ACP6: variants seen among roughly 807,000 people sequenced by gnomAD.
The protein encoded by ACP6 is acid phosphatase 6, lysophosphatidic, also known as lysophosphatidic acid phosphatase type 6.
ACP6 carries 48 observed loss-of-function variants against 48.1 expected under a neutral mutation model. The observed-to-expected ratio is 1.00, with a 90% CI of 0.79 to 1.27. ACP6 has a LOEUF of 1.27. ACP6 is among the 50% of genes most tolerant of loss of function. The pLI, the probability that ACP6 is intolerant of heterozygous loss-of-function variation, is 0.00. For missense variants in ACP6, 485 were observed against 529.1 expected (o/e 0.92, Z 0.82); for synonymous variants, 172 against 204.2 (o/e 0.84, Z 1.34).
downstream of ACP6, among the ~76,000 whole-genome samples, chr1:147,639,958 GCA>G (rs1169059760): frequency 6.6e-6 from 1 of 152,010 alleles, no homozygotes; most frequent in African/African-American, 2.4e-5. Context: ...TGATTTCAAA[GCA>G]CACATACTTG....
Position 147,670,059 on chromosome 1 carries a change from C to T in ACP6, c.-11G>A, listed in dbSNP as rs781958775. ...CACACCAGTGATCATGGTGGTAGGC[C>T]CTCGCTGCCCTCCGGGTTGAGGCTG... On this transcript the variant is annotated 5_prime_UTR_variant, in exon 1 of 10. Coordinates refer to ENST00000583509, the MANE Select transcript of ACP6 (RefSeq NM_016361.5). The T allele has an allele frequency of 6.7e-7, 1 of 1,490,218 alleles. No individual in the cohort carries two copies. Among genetic ancestry groups the T allele is most frequent in the South Asian group, 1.2e-5 (1 of 81,012 alleles). The allele number at this position is 1,490,218 out of a possible 1,614,324, so 92.3% of individuals were successfully genotyped here. A position where few individuals can be genotyped will look rare whatever the true frequency, so the allele number is the denominator to read the frequency against.
chr1:147,638,145 A>G (rs1408358498), downstream of ACP6, among the ~76,000 whole-genome samples: 3 of 152,238 alleles, frequency 2.0e-5, no homozygotes, highest in African/African-American at 7.2e-5. Context: ...CAGTGAACCA[A>G]CCAGACAAGG....
intron 4 of ACP6, among the ~76,000 whole-genome samples, chr1:147,655,736 C>A (rs1364649422): frequency 4.6e-5 from 7 of 152,194 alleles, no homozygotes; most frequent in Non-Finnish European, 8.8e-5. Flanking sequence ...TCAGAGACCC[C>A]ATAGCCTTGC....
At chr1:147,666,743 T>G (rs1553213707) in intron 1 of ACP6, among the ~76,000 whole-genome samples, 1 of 152,204 alleles carries the variant, frequency 6.6e-6, no homozygotes, top group African/African-American at 2.4e-5. Context: ...TGTGTATTTT[T>G]TAAAGCTTTC....
chr1:147,652,532 G>T lies in ACP6; in HGVS notation c.798C>A (p.Ser266Arg). The change falls in exon 7 of 10, where the codon AGC (serine) becomes AGA (arginine). Residue 266 changes from serine to arginine, a missense_variant. Ser to Arg is a moderately radical substitution (Grantham distance 110). Transcript: ENST00000583509. ...TTGCAAATCTCTTCAGCATGGGGCA[G>T]CTTGGGAGGTTGTGTGCCTGAAAGG... ...VAAEQAHNLP[S>R]CPMLKRFARM... 1 of 1,614,114 alleles carries T rather than the reference G, an allele frequency of 6.2e-7. No homozygotes were observed. Among genetic ancestry groups the T allele is most frequent in the East Asian group, 2.2e-5 (1 of 44,872 alleles).
chr1:147,653,296 AAATTTTGTATTTTTAGT>A (rs1451477368), intron 6 of ACP6, among the ~76,000 whole-genome samples: 3 of 151,768 alleles, frequency 2.0e-5, no homozygotes, highest in African/African-American at 7.3e-5. Flanking sequence ...ACACCCGGCT[AAATTTTGTATTTTTAGT>A]AGAGACAGGA....
Position 147,650,229 on chromosome 1 carries a change from A to G in ACP6, c.891T>C (p.Leu297=). Residue 297 remains leucine (L), a synonymous_variant, in exon 8 of 10, where the codon CTT becomes CTC. Transcript: ENST00000583509. ...GGAGGAATGGGCCTACTGCCATCTG[A>G]AGACTTTCCCTGTGAAAAGTGAACA... ...YILPKEDRES[L]QMAVGPFLHI... is the part of the protein sequence containing the mutation. 1.3e-6 allele frequency: 2 copies of G among 1,599,394 alleles called. No individual in the cohort carries two copies. Among genetic ancestry groups the G allele is most frequent in the Non-Finnish European group, 1.7e-6 (2 of 1,174,470 alleles).
In ACP6 at chr1:147,652,555, AGG is replaced by A. The variant is rs782742095; in HGVS notation, c.781-8_781-7del. On this transcript the variant is annotated splice_polypyrimidine_tract_variant and splice_region_variant and intron_variant, in intron 6 of 9. Coordinates refer to ENST00000583509, the MANE Select transcript of ACP6 (RefSeq NM_016361.5). ...CAGCTTGGGAGGTTGTGTGCCTGAA[AGG>A]GCCACATGTAGTTTTAGAAAAAAAT... 6.2e-7 allele frequency: 1 copy of A among 1,614,000 alleles called. No individual in the cohort carries two copies. The highest frequency in any genetic ancestry group is 2.2e-5 in the East Asian group (1 of 44,860).
At position 147,635,975 on chromosome 1, in the gene ACP6, T is replaced by C. The variant is rs587753619; in HGVS notation, c.461-4910A>G. On this transcript the variant is annotated intron_variant, in intron 5 of 5. Transcript: ENST00000609196. ...CTATGAAAATATAGAGTTGCATAAGTCCTGAGGGGTTGGGGGAGTGGCTTT... is the reference window on the plus strand; with the variant it reads ...CTATGAAAATATAGAGTTGCATAAGCCCTGAGGGGTTGGGGGAGTGGCTTT... 3.9e-5 allele frequency among the ~76,000 whole-genome samples: 6 copies of C among 152,284 alleles called. No individual in the cohort carries two copies. The South Asian group carries it at 1.0e-3, about 26-fold the overall frequency.
Position 147,648,366 on chromosome 1 carries a change from G to A in ACP6, c.1023C>T (p.Leu341=). Residue 341 remains leucine (L), a synonymous_variant, in exon 9 of 10, where the codon CTC becomes CTT. Coordinates refer to ENST00000583509, the MANE Select transcript of ACP6 (RefSeq NM_016361.5). ...YAAHDVTFIP[L]LMTLGIFDHK... ...GGTCAAAAATCCCCAGGGTCATTAA[G>A]AGCGGTATGAAGGTCACATCATGAG... 6.2e-6 allele frequency: 10 copies of A among 1,614,194 alleles called. No homozygotes were observed. Among genetic ancestry groups the A allele is most frequent in the East Asian group, 2.2e-5 (1 of 44,884 alleles).
At chr1:147,634,399 C>T (rs1184184274) in intron 5 of ACP6, among the ~76,000 whole-genome samples, 2 of 150,690 alleles carry the variant, frequency 1.3e-5, no homozygotes, top group Non-Finnish European at 2.9e-5. Context: ...CATGGGGTGC[C>T]TTTTCACTCT....
chr1:147,648,418 G>C lies in ACP6; in HGVS notation c.978-7C>G. 2.5e-6 allele frequency: 4 copies of C among 1,614,048 alleles called. No individual in the cohort carries two copies. The highest frequency in any genetic ancestry group is 3.4e-6 in the Non-Finnish European group (4 of 1,179,942). On this transcript the variant is annotated splice_polypyrimidine_tract_variant and splice_region_variant and intron_variant, in intron 8 of 9. Transcript: ENST00000583509. ...CGCATAGAGATACAGCTTTCTGCAA[G>C]AGGAAACAGCTCTCCACAATTCTCT...
exon 6 of ACP6, chr1:147,629,739 T>C (rs1016878860): frequency 2.0e-5 from 3 of 152,166 alleles, no homozygotes; most frequent in Non-Finnish European, 4.4e-5. Context: ...ACATTTCCTA[T>C]TGGAGGGAGC....
At chr1:147,662,866 A>G (rs965673318) in intron 1 of ACP6, among the ~76,000 whole-genome samples, 2 of 152,220 alleles carry the variant, frequency 1.3e-5, no homozygotes, top group Non-Finnish European at 2.9e-5. Flanking sequence ...GAGTCTATCA[A>G]TGTGGCAAAC....
intron 5 of ACP6, among the ~76,000 whole-genome samples, chr1:147,654,715 TC>T (rs1660147446): frequency 1.3e-5 from 2 of 152,226 alleles, no homozygotes; most frequent in African/African-American, 4.8e-5. Flanking sequence ...AACCGATCTA[TC>T]TTACATAGAA....
At chr1:147,668,195 T>C (rs763550044) in intron 1 of ACP6, among the ~76,000 whole-genome samples, 1 of 152,150 alleles carries the variant, frequency 6.6e-6, no homozygotes, top group Non-Finnish European at 1.5e-5. Context: ...GTCTGGAGAA[T>C]ATGAGCAGAA....
chr1:147,665,861 T>A (rs1439462734), intron 1 of ACP6, among the ~76,000 whole-genome samples: 1 of 152,232 alleles, frequency 6.6e-6, no homozygotes, highest in African/African-American at 2.4e-5. Flanking sequence ...CCACCCCACA[T>A]ACACACTCTC....
chr1:147,641,398 G>A (rs1156760531), downstream of ACP6, among the ~76,000 whole-genome samples: 2 of 152,188 alleles, frequency 1.3e-5, no homozygotes, highest in Non-Finnish European at 1.5e-5. Context: ...GAAGGGTCTT[G>A]TCTAATGACA....
chr1:147,645,144 C>T lies in ACP6; in HGVS notation c.*2279G>A, dbSNP rs1293255517. The T allele has an allele frequency of 6.6e-6, 1 of 151,704 alleles. No homozygotes were observed. Among genetic ancestry groups the T allele is most frequent in the Non-Finnish European group, 1.5e-5 (1 of 67,958 alleles). 9.4% of individuals were successfully genotyped at this position (151,704 alleles called of 1,614,324 possible). ...AGGCACATTGTACTCCATAAATAGA[C>T]ACATACAGCCTTCCGAGTAGCTGGG... On this transcript the variant is annotated 3_prime_UTR_variant, in exon 10 of 10. Transcript: ENST00000583509.
Sources: gnomAD v4.1 joint callset for allele counts (sites outside exome capture counted in the v4.1 genomes callset) on GRCh38, gnomAD v4.1.1 for gene constraint, MANE v1.5 for transcripts, NCBI Gene and HGNC (gene_info 2026-07-23, HGNC 2026-07-21) for gene names.